The following KDM4C variants were observed in gnomAD, a reference collection of about 807,000 sequenced individuals.
KDM4C encodes lysine demethylase 4C.
KDM4C carries 81 observed loss-of-function variants against 129.3 expected under a neutral mutation model. The observed-to-expected ratio is 0.63, with a 90% CI of 0.52 to 0.75. The LOEUF is 0.75. KDM4C is among the 30% of genes least tolerant of loss of function. The probability of loss-of-function intolerance (pLI) is 0.00; values close to 1 mark genes in which losing one functional copy is unlikely to be tolerated. For missense variants in KDM4C, 1,457 were observed against 1,304.0 expected, an observed-to-expected ratio of 1.12 and a Z score of -1.81; for synonymous variants, 573 against 456.1, an observed-to-expected ratio of 1.26 and a Z score of -3.26.
chr9:6,870,337 G>C lies in KDM4C; in HGVS notation c.630-9675G>C, dbSNP rs180992025. On this transcript the variant is annotated intron_variant, in intron 5 of 21. Transcript: ENST00000381309. Reference sequence around the variant, plus strand: ...TCCTTTTGACATCTTCATAGTGATTGTTGGGGAAACAGTGTTGGAAAATGG... The same window carrying C: ...TCCTTTTGACATCTTCATAGTGATTCTTGGGGAAACAGTGTTGGAAAATGG... Among the ~76,000 whole-genome samples, 8 of 152,160 alleles carry C rather than the reference G, an allele frequency of 5.3e-5. No homozygotes were observed. In the East Asian group the frequency reaches 1.5e-3, roughly 29 times the overall value.
chr9:7,011,990 A>G lies in KDM4C; in HGVS notation c.1968+111A>G, dbSNP rs975257642. ...GCTTCCTTTGCACATAAGAAGGAAG[A>G]CGTCCTTAGGTAGCTGATGGCTTTC... On this transcript the variant is annotated intron_variant, in intron 13 of 21. Transcript: ENST00000381309. 2.3e-5 allele frequency: 19 copies of G among 827,086 alleles called. No individual in the cohort carries two copies. The African/African-American group carries it at 3.2e-4, about 14-fold the overall frequency. 51.2% of individuals were successfully genotyped at this position (827,086 alleles called of 1,614,324 possible).
chr9:6,861,862 C>A (rs375771067), intron 5 of KDM4C, among the ~76,000 whole-genome samples: 1 of 150,028 alleles, frequency 6.7e-6, no homozygotes, highest in African/African-American at 2.5e-5. Context: ...ACTGCTGCCT[C>A]CCAGGTCCAA....
At chr9:7,156,834 G>A (rs941088900) in intron 19 of KDM4C, among the ~76,000 whole-genome samples, 2 of 150,628 alleles carry the variant, frequency 1.3e-5, no homozygotes, top group African/African-American at 4.8e-5. Context: ...TTGGCAATGT[G>A]GGTTCTTTTT....
At chr9:7,067,490 G>C (rs1413700280) in intron 17 of KDM4C, among the ~76,000 whole-genome samples, 2 of 152,188 alleles carry the variant, frequency 1.3e-5, no homozygotes, top group Admixed American at 1.3e-4. Context: ...ACCAAGCTCA[G>C]AGTTTAGGTT....
chr9:6,782,160 T>TA (rs1824485278), intron 1 of KDM4C, among the ~76,000 whole-genome samples: 1 of 152,186 alleles, frequency 6.6e-6, no homozygotes, highest in South Asian at 2.1e-4. Flanking sequence ...AATTTGTAGA[T>TA]ACGGAATCTG....
intron 8 of KDM4C, among the ~76,000 whole-genome samples, chr9:6,961,124 A>G (rs1226429244): frequency 6.6e-6 from 1 of 152,234 alleles, no homozygotes; most frequent in Non-Finnish European, 1.5e-5. Flanking sequence ...TTATGTCAGC[A>G]TTGTGAGTTT....
At chr9:6,882,640 A>G (rs978560608) in intron 6 of KDM4C, among the ~76,000 whole-genome samples, 3 of 152,210 alleles carry the variant, frequency 2.0e-5, no homozygotes, top group Admixed American at 6.5e-5. Context: ...AAGTGAGTCA[A>G]TTCTTTTAGA....
chr9:6,981,252 C>A, intron 9 of KDM4C, 134 bp downstream of exon 9: 1 of 643,852 alleles, frequency 1.6e-6, no homozygotes, highest in Non-Finnish European at 2.6e-6. Context: ...AAATGTGAGA[C>A]ATTATTTTTA....
chr9:6,960,282 A>ATTTT (rs34061929), intron 8 of KDM4C, among the ~76,000 whole-genome samples: 1 of 143,262 alleles, frequency 7.0e-6, no homozygotes, highest in African/African-American at 2.6e-5. Context: ...AATGTTTTTA[A>ATTTT]TTTTTTTTTT....
intron 12 of KDM4C, among the ~76,000 whole-genome samples, chr9:7,010,861 T>A (rs564690408): frequency 2.6e-5 from 4 of 152,166 alleles, no homozygotes; most frequent in African/African-American, 7.2e-5. Flanking sequence ...CTGGCCATCA[T>A]GGTGAAACTC....
chr9:6,914,267 C>A (rs969560933), intron 8 of KDM4C, among the ~76,000 whole-genome samples: 1 of 152,158 alleles, frequency 6.6e-6, no homozygotes, highest in African/African-American at 2.4e-5. Flanking sequence ...CCGTGTTGGT[C>A]AGGCTGGTCT....
At chr9:6,893,861 A>T (rs1294928992) in intron 8 of KDM4C, among the ~76,000 whole-genome samples, 4 of 152,214 alleles carry the variant, frequency 2.6e-5, no homozygotes. Flanking sequence ...AAATTTAATT[A>T]CTTTCCCCCT....
chr9:6,929,692 G>C (rs943933292), intron 8 of KDM4C, among the ~76,000 whole-genome samples: 1 of 151,946 alleles, frequency 6.6e-6, no homozygotes, highest in African/African-American at 2.4e-5. Context: ...CACTCTGCTG[G>C]AGTCCCAGTC....
Position 6,758,665 on chromosome 9 carries a change from C to T in KDM4C, c.-18+462C>T, listed in dbSNP as rs1393011398. Among the ~76,000 whole-genome samples the T allele has an allele frequency of 1.3e-5, 2 of 152,236 alleles. No homozygotes were observed. Among genetic ancestry groups the T allele is most frequent in the Admixed American group, 1.3e-4 (2 of 15,286 alleles). Reference sequence around the variant, plus strand: ...GGTGGGAGCTCCTCTCCTGACCACCCGTTGCAGGCAGTCATCCCGTCATTC... The same window carrying T: ...GGTGGGAGCTCCTCTCCTGACCACCTGTTGCAGGCAGTCATCCCGTCATTC... On this transcript the variant is annotated intron_variant, in intron 1 of 21. Coordinates refer to ENST00000381309, the MANE Select transcript of KDM4C (RefSeq NM_015061.6). The surrounding 1 kb of genome is among the most constrained non-coding windows in gnomAD (Gnocchi z 4.6).
At chr9:6,940,391 A>G (rs1462995349) in intron 8 of KDM4C, among the ~76,000 whole-genome samples, 1 of 152,224 alleles carries the variant, frequency 6.6e-6, no homozygotes. Flanking sequence ...AATGTGAACA[A>G]TTATTGCCCG....
intron 1 of KDM4C, among the ~76,000 whole-genome samples, chr9:6,746,457 C>T (rs1019368906): frequency 2.0e-5 from 3 of 148,878 alleles, no homozygotes; most frequent in East Asian, 4.1e-4. Context: ...TTAGTAGAGA[C>T]AGGGTTTCAC....
chr9:7,087,523 T>A (rs1411655888), intron 17 of KDM4C, among the ~76,000 whole-genome samples: 1 of 152,116 alleles, frequency 6.6e-6, no homozygotes, highest in Non-Finnish European at 1.5e-5. Flanking sequence ...TAGAGTCTTG[T>A]CATAGGAAAT....
chr9:7,070,226 A>G (rs1426285376), intron 17 of KDM4C, among the ~76,000 whole-genome samples: 1 of 152,228 alleles, frequency 6.6e-6, no homozygotes, highest in Non-Finnish European at 1.5e-5. Flanking sequence ...TTGAATTTGT[A>G]AACAAAAATC....
intron 17 of KDM4C, among the ~76,000 whole-genome samples, chr9:7,060,453 TG>T (rs1414183558): frequency 1.2e-4 from 10 of 83,604 alleles, no homozygotes; most frequent in African/African-American, 8.7e-4. Context: ...GCAGTATTGT[TG>T]TTATTATTAT....
Sources: allele counts gnomAD v4.1 joint callset (sites outside exome capture counted in the v4.1 genomes callset), GRCh38; gene constraint gnomAD v4.1.1; non-coding constraint Gnocchi (gnomAD v3.1); transcripts MANE v1.5; gene names NCBI Gene and HGNC (gene_info 2026-07-23, HGNC 2026-07-21).